Variants in VEPH1 observed in about 807,000 individuals in gnomAD.
VEPH1 encodes the protein ventricular zone-expressed PH domain-containing protein homolog 1.
A neutral mutation model predicts 85.2 loss-of-function variants in VEPH1; 80 were observed. The observed-to-expected ratio is 0.94, with a 90% CI of 0.78 to 1.13. The LOEUF is 1.13. VEPH1 is among the 50% of genes most tolerant of loss of function. The pLI, the probability that VEPH1 is intolerant of heterozygous loss-of-function variation, is 0.00. For missense variants in VEPH1, 955 were observed against 980.5 expected (o/e 0.97, Z 0.35); for synonymous variants, 297 against 348.0 (o/e 0.85, Z 1.63).
intron 4 of VEPH1, among the ~76,000 whole-genome samples, chr3:157,433,943 C>G (rs1733361309): frequency 6.6e-6 from 1 of 151,954 alleles, no homozygotes; most frequent in African/African-American, 2.4e-5. Context: ...TTTGAATGAT[C>G]AGTTATGATA....
intron 11 of VEPH1, among the ~76,000 whole-genome samples, chr3:157,296,748 C>A (rs1322113397): frequency 6.6e-6 from 1 of 152,186 alleles, no homozygotes; most frequent in Non-Finnish European, 1.5e-5. Flanking sequence ...CTGAGTGGTA[C>A]AGAATGAAGA....
At chr3:157,298,599 G>C (rs957757514) in intron 11 of VEPH1, among the ~76,000 whole-genome samples, 1 of 152,162 alleles carries the variant, frequency 6.6e-6, no homozygotes, top group Admixed American at 6.5e-5. Context: ...CAGTCCTAGT[G>C]AAAGACCATA....
At chr3:157,393,001 A>G (rs73018279) in intron 6 of VEPH1, among the ~76,000 whole-genome samples, 234 of 152,322 alleles carry the variant, frequency 1.5e-3, no homozygotes, top group African/African-American at 5.4e-3. Flanking sequence ...CCTGATGTGA[A>G]GTTTTCTGGG....
chr3:157,270,273 TAAAAA>T (rs571761806), intron 12 of VEPH1, among the ~76,000 whole-genome samples: 1 of 137,102 alleles, frequency 7.3e-6, no homozygotes, highest in Non-Finnish European at 1.6e-5. Context: ...TGCCATCTCT[TAAAAA>T]AAAAAAGCAA....
At chr3:157,393,826 A>T (rs1180717805) in intron 6 of VEPH1, among the ~76,000 whole-genome samples, 1 of 152,178 alleles carries the variant, frequency 6.6e-6, no homozygotes, top group Non-Finnish European at 1.5e-5. Context: ...GTAAATTTCT[A>T]TATACTGCAG....
intron 6 of VEPH1, among the ~76,000 whole-genome samples, chr3:157,392,682 G>T (rs542176358): frequency 1.3e-5 from 2 of 152,266 alleles, no homozygotes; most frequent in African/African-American, 4.8e-5. Context: ...GTGTTGGGCT[G>T]CATTCAAAGC....
At chr3:157,320,901 A>G (rs1054185023) in intron 9 of VEPH1, among the ~76,000 whole-genome samples, 1 of 152,134 alleles carries the variant, frequency 6.6e-6, no homozygotes, top group African/African-American at 2.4e-5. Context: ...GATGCCATTT[A>G]TATGCCGTTA....
chr3:157,424,311 C>A (rs1732588481), intron 5 of VEPH1, among the ~76,000 whole-genome samples: 1 of 152,206 alleles, frequency 6.6e-6, no homozygotes, highest in East Asian at 1.9e-4. Flanking sequence ...TCGAATTAAA[C>A]CTCTTTTTCT....
chr3:157,320,172 T>C (rs931724941), intron 9 of VEPH1, among the ~76,000 whole-genome samples: 4 of 152,164 alleles, frequency 2.6e-5, no homozygotes, highest in Admixed American at 2.6e-4. Flanking sequence ...GCCATGATGA[T>C]GGTCCTGCTC....
chr3:157,268,120 T>G (rs1713987877), intron 12 of VEPH1, among the ~76,000 whole-genome samples: 1 of 152,240 alleles, frequency 6.6e-6, no homozygotes, highest in Non-Finnish European at 1.5e-5. Context: ...TGGAGCATTC[T>G]TAAAGCTAGT....
At chr3:157,284,003 G>A (rs567144333) in intron 12 of VEPH1, among the ~76,000 whole-genome samples, 6 of 152,274 alleles carry the variant, frequency 3.9e-5, no homozygotes, top group Middle Eastern at 3.4e-3. Flanking sequence ...CATTCTAGGC[G>A]CTAAGACAGG....
chr3:157,408,357 C>T (rs1297714638), intron 6 of VEPH1, among the ~76,000 whole-genome samples: 3 of 152,098 alleles, frequency 2.0e-5, no homozygotes, highest in South Asian at 2.1e-4. Context: ...ACAGCCCTCT[C>T]CACACTAATA....
At chr3:157,286,200 C>T (rs966640088) in intron 12 of VEPH1, 1 of 201,814 alleles carries the variant, frequency 5.0e-6, no homozygotes, top group African/African-American at 2.3e-5. Context: ...TGCTGATTCA[C>T]TCATTTAGTG....
chr3:157,488,491 C>A (rs1305175479), intron 2 of VEPH1, among the ~76,000 whole-genome samples: 2 of 144,542 alleles, frequency 1.4e-5, no homozygotes, highest in Non-Finnish European at 3.0e-5. Flanking sequence ...GATTTTCTGA[C>A]TTTCTTTCTT....
chr3:157,434,514 T>C (rs6803236), intron 4 of VEPH1, among the ~76,000 whole-genome samples: 97,944 of 151,866 alleles, frequency 0.64, 32,114 homozygotes, highest in East Asian at 0.8. Context: ...GGTCTTGCTA[T>C]GTTGATCAGG....
At chr3:157,367,189 A>G (rs572092416) in intron 7 of VEPH1, among the ~76,000 whole-genome samples, 2 of 152,354 alleles carry the variant, frequency 1.3e-5, no homozygotes, top group South Asian at 4.1e-4. Flanking sequence ...ATGCATAAAT[A>G]AAATATACAT....
rs545014985 is a variant in VEPH1, at chr3:157,417,746, G to A, written c.697-3656C>T. The stretch of plus-strand genomic sequence containing the variant: ...TTCTTTCCAGCCCACCATAACAAAT[G>A]CAGGACCTGACACTAGGGTACAAGC... On this transcript the variant is annotated intron_variant, in intron 5 of 13. Transcript: ENST00000362010. 2.6e-5 allele frequency among the ~76,000 whole-genome samples: 4 copies of A among 152,230 alleles called. No homozygotes were observed. In the South Asian group the frequency reaches 8.3e-4, roughly 32 times the overall value.
chr3:157,420,353 AAG>A (rs1413763541), intron 5 of VEPH1, among the ~76,000 whole-genome samples: 1 of 152,138 alleles, frequency 6.6e-6, no homozygotes, highest in Non-Finnish European at 1.5e-5. Flanking sequence ...AGAAAAAAAA[AAG>A]AGCAATTATG....
chr3:157,357,221 G>A (rs1326858057), intron 9 of VEPH1, among the ~76,000 whole-genome samples: 4 of 152,050 alleles, frequency 2.6e-5, no homozygotes, highest in Admixed American at 2.0e-4. Context: ...TGTTAGCAAG[G>A]TCCCTTTAAA....
Sources: gnomAD v4.1 joint callset for allele counts (sites outside exome capture counted in the v4.1 genomes callset) on GRCh38, gnomAD v4.1.1 for gene constraint, MANE v1.5 for transcripts, NCBI Gene and HGNC (gene_info 2026-07-23, HGNC 2026-07-21) for gene names.